SCFD1: variants seen among roughly 807,000 people sequenced by gnomAD.
SCFD1 encodes sec1 family domain-containing protein 1.
SCFD1 carries 37 observed loss-of-function variants against 103.2 expected under a neutral mutation model. The observed-to-expected ratio is 0.36, with a 90% confidence interval of 0.28 to 0.47. The LOEUF (loss-of-function observed/expected upper bound fraction) is 0.47. Ranked by LOEUF, SCFD1 falls within the 20% of genes least tolerant of loss-of-function variation. The pLI is 1.00. For synonymous variants in SCFD1, 264 were observed against 245.0 expected (o/e 1.08, Z -0.73); for missense variants, 639 against 761.2 (o/e 0.84, Z 1.89).
chr14:30,647,870 C>T (rs940197699), intron 7 of SCFD1, among the ~76,000 whole-genome samples: 1 of 152,026 alleles, frequency 6.6e-6, no homozygotes, highest in Admixed American at 6.6e-5. Flanking sequence ...AGGCTGGTCT[C>T]GAACTCCTGA....
At chr14:30,710,367 G>C (rs943503106) in intron 19 of SCFD1, among the ~76,000 whole-genome samples, 2 of 138,262 alleles carry the variant, frequency 1.4e-5, no homozygotes, top group African/African-American at 5.5e-5. Flanking sequence ...TTCAGAATTA[G>C]AGAAATAGGT....
At chr14:30,672,362 A>G (rs1888631394) in intron 11 of SCFD1, among the ~76,000 whole-genome samples, 1 of 152,186 alleles carries the variant, frequency 6.6e-6, no homozygotes. Flanking sequence ...TGTGTTCCTC[A>G]GAATCCTTTC....
At chr14:30,660,898 TG>T (rs1330114172) in intron 10 of SCFD1, among the ~76,000 whole-genome samples, 1 of 152,182 alleles carries the variant, frequency 6.6e-6, no homozygotes, top group African/African-American at 2.4e-5. Context: ...CTTCCTGGTA[TG>T]AAAAATATCC....
At chr14:30,733,806 C>T (rs1411639615) in intron 23 of SCFD1, among the ~76,000 whole-genome samples, 1 of 152,172 alleles carries the variant, frequency 6.6e-6, no homozygotes, top group African/African-American at 2.4e-5. Context: ...CCAATTTTGC[C>T]TACCTGACCA....
chr14:30,664,941 G>T (rs1305726396), intron 10 of SCFD1, among the ~76,000 whole-genome samples: 1 of 152,202 alleles, frequency 6.6e-6, no homozygotes, highest in East Asian at 1.9e-4. Context: ...GAAAGTGACA[G>T]GGAGAATGGA....
intron 23 of SCFD1, among the ~76,000 whole-genome samples, chr14:30,730,566 T>A (rs1205594952): frequency 6.6e-6 from 1 of 152,210 alleles, no homozygotes. Flanking sequence ...TGGTGTGAGA[T>A]GTATCTCATT....
intron 15 of SCFD1, among the ~76,000 whole-genome samples, chr14:30,697,118 G>T (rs1258962234): frequency 6.6e-6 from 1 of 152,132 alleles, no homozygotes; most frequent in Non-Finnish European, 1.5e-5. Context: ...AACTGAAAGG[G>T]CCTGGGAGCA....
chr14:30,645,536 T>C (rs1885731327), intron 7 of SCFD1, among the ~76,000 whole-genome samples: 1 of 152,184 alleles, frequency 6.6e-6, no homozygotes, highest in Non-Finnish European at 1.5e-5. Flanking sequence ...TGTAGAGCTC[T>C]CTCACCTCCC....
chr14:30,675,628 T>C (rs1313863778), intron 14 of SCFD1, among the ~76,000 whole-genome samples: 1 of 152,166 alleles, frequency 6.6e-6, no homozygotes, highest in Non-Finnish European at 1.5e-5. Flanking sequence ...TAATCAGTCC[T>C]TCAGTATTCT....
At chr14:30,622,305 C>G (rs1594528505), upstream of SCFD1, 3 of 1,593,890 alleles carry the variant, frequency 1.9e-6, no homozygotes, top group African/African-American at 2.7e-5. Context: ...CCCCGCTCCG[C>G]TCCCCAGCCG....
rs576632809 is a variant in SCFD1, at chr14:30,648,486, A to AT, written c.614-1036dup. Reference sequence around the variant, plus strand: ...AAATTGGTATTTTTAAAAAACTACAATTTTTTATTGTCAATTTGTAAAATA... The same window carrying AT: ...AAATTGGTATTTTTAAAAAACTACAATTTTTTTATTGTCAATTTGTAAAATA... On this transcript the variant is annotated intron_variant, in intron 7 of 24. Transcript: ENST00000458591. Among the ~76,000 whole-genome samples, 5 of 152,194 alleles carry AT rather than the reference A, an allele frequency of 3.3e-5. 1 individual carries two copies. The highest frequency in any genetic ancestry group is 7.3e-5 in the Non-Finnish European group (5 of 68,038).
intron 7 of SCFD1, 63 bp from the exon 8 acceptor site, chr14:30,649,465 A>G: frequency 9.7e-7 from 1 of 1,028,772 alleles, no homozygotes; most frequent in Non-Finnish European, 1.5e-6. Flanking sequence ...ATGCTGATGT[A>G]TTTTATAAGT....
rs913959810 is a variant in SCFD1, at chr14:30,673,237, C to G, written c.996-20C>G. The G allele has an allele frequency of 1.5e-6, 2 of 1,368,426 alleles. No individual in the cohort carries two copies. The highest frequency in any genetic ancestry group is 1.0e-6 in the Non-Finnish European group (1 of 989,776). 84.8% of individuals were successfully genotyped at this position (1,368,426 alleles called of 1,614,324 possible). A position where few individuals can be genotyped will look rare whatever the true frequency, so the allele number is the denominator to read the frequency against. On this transcript the variant is annotated intron_variant, in intron 11 of 24. Coordinates refer to ENST00000458591, the MANE Select transcript of SCFD1 (RefSeq NM_016106.4). Reference sequence around the variant, plus strand: ...GTCTTTTAATGTCATCCTCATAGTTCTTGTGCAATACTGTTTTAGTCCATT... The same window carrying G: ...GTCTTTTAATGTCATCCTCATAGTTGTTGTGCAATACTGTTTTAGTCCATT...
chr14:30,731,181 G>A (rs945036304), intron 23 of SCFD1, among the ~76,000 whole-genome samples: 12 of 152,114 alleles, frequency 7.9e-5, no homozygotes, highest in Non-Finnish European at 1.8e-4. Flanking sequence ...TATTATATCT[G>A]AGGGCTCTGT....
In SCFD1 at chr14:30,622,368, A is replaced by G. The variant is rs1882921587; in HGVS notation, c.30A>G (p.Ala10=). 1 of 1,560,808 alleles carries G rather than the reference A, an allele frequency of 6.4e-7. No homozygotes were observed. Among genetic ancestry groups the G allele is most frequent in the Admixed American group, 1.9e-5 (1 of 51,988 alleles). The stretch of plus-strand genomic sequence containing the variant: ...CGGCGGCGGCGGCAGCGACAGCAGC[A>G]GCAGCAGCCAGTATTCGGGAAAGGC... MAAAAAATA[A]AAASIRERQT... The change falls in exon 1 of 25, where the codon GCA becomes GCG. Residue 10 remains alanine, a synonymous_variant. Transcript: ENST00000458591.
At chr14:30,719,415 T>C in intron 21 of SCFD1, 38 bp downstream of exon 21, 4 of 1,498,996 alleles carry the variant, frequency 2.7e-6, no homozygotes, top group Non-Finnish European at 3.7e-6. Context: ...GTGGATTTTT[T>C]CCCCTCGAGA....
intron 10 of SCFD1, among the ~76,000 whole-genome samples, chr14:30,662,790 C>G (rs1887566046): frequency 6.6e-6 from 1 of 152,198 alleles, no homozygotes; most frequent in African/African-American, 2.4e-5. Context: ...CTCTCTGGCT[C>G]TACTGATTGC....
intron 10 of SCFD1, among the ~76,000 whole-genome samples, chr14:30,656,788 A>G (rs1474359522): frequency 6.6e-6 from 1 of 152,124 alleles, no homozygotes; most frequent in Non-Finnish European, 1.5e-5. Context: ...GGGGTTAGCC[A>G]GTTGGAGTTC....
At chr14:30,667,060 C>T (rs896663046) in intron 10 of SCFD1, among the ~76,000 whole-genome samples, 4 of 152,158 alleles carry the variant, frequency 2.6e-5, no homozygotes, top group Admixed American at 1.3e-4. Flanking sequence ...TTTTATGAGG[C>T]CAGCATCATC....
Sources: gnomAD v4.1 joint callset for allele counts (sites outside exome capture counted in the v4.1 genomes callset) on GRCh38, gnomAD v4.1.1 for gene constraint, MANE v1.5 for transcripts, NCBI Gene and HGNC (gene_info 2026-07-23, HGNC 2026-07-21) for gene names.